GABRB2: variants seen among roughly 807,000 people sequenced by gnomAD.
The protein encoded by GABRB2 is gamma-aminobutyric acid type A receptor subunit beta2.
Under a neutral mutation model 54.7 loss-of-function variants are expected in GABRB2, and 16 were observed. The observed-to-expected ratio is 0.29, with a 90% CI of 0.20 to 0.44. The LOEUF (loss-of-function observed/expected upper bound fraction) is 0.44, where lower values mean the gene tolerates loss of function less well. Ranked by LOEUF, GABRB2 falls within the 20% of genes least tolerant of loss-of-function variation. The probability of loss-of-function intolerance (pLI) is 1.00; values close to 1 mark genes in which losing one functional copy is unlikely to be tolerated. For synonymous variants in GABRB2, 244 were observed against 233.8 expected, an observed-to-expected ratio of 1.04 and a Z score of -0.40; for missense variants, 355 against 644.0, an observed-to-expected ratio of 0.55 and a Z score of 4.86.
chr5:161,510,400 C>T (rs979515625), intron 3 of GABRB2, among the ~76,000 whole-genome samples: 6 of 151,894 alleles, frequency 4.0e-5, no homozygotes, highest in Non-Finnish European at 7.4e-5. Flanking sequence ...TAATAATCTC[C>T]ACTTCCATCC....
chr5:161,333,921 G>C (rs1384900596), intron 7 of GABRB2, among the ~76,000 whole-genome samples: 1 of 152,142 alleles, frequency 6.6e-6, no homozygotes, highest in Non-Finnish European at 1.5e-5. Flanking sequence ...TATAATTTAT[G>C]TGGTTATTAA....
chr5:161,336,957 T>C (rs960898306), intron 5 of GABRB2, among the ~76,000 whole-genome samples, 188 bp from the exon 6 acceptor site: 1 of 152,138 alleles, frequency 6.6e-6, no homozygotes, highest in Non-Finnish European at 1.5e-5. Context: ...TTAATCCTCA[T>C]GACGATCTCA....
chr5:161,294,021 C>A lies in GABRB2; in HGVS notation c.*60G>T. 7.8e-7 allele frequency: 1 copy of A among 1,289,040 alleles called. No homozygotes were observed. Among genetic ancestry groups the A allele is most frequent in the Non-Finnish European group, 1.1e-6 (1 of 907,576 alleles). The allele number at this position is 1,289,040 out of a possible 1,614,324, so 79.9% of individuals were successfully genotyped here. A position where few individuals can be genotyped will look rare whatever the true frequency, so the allele number is the denominator to read the frequency against. ...TTGATGTGTTTTCCAAGTCCTACAT[C>A]AGGCTGTACAACTGGTTTGAGGAGG... is the stretch of plus-strand genomic sequence containing the variant. On this transcript the variant is annotated 3_prime_UTR_variant, in exon 10 of 10. Coordinates refer to ENST00000393959, the MANE Select transcript of GABRB2 (RefSeq NM_001371727.1).
rs138373917 is a variant in GABRB2 at position 161,474,557 on chromosome 5, T to C, written c.238-14713A>G. Among the ~76,000 whole-genome samples the C allele has an allele frequency of 6.7e-3, 1,021 of 152,096 alleles. 15 individuals carry two copies. Among genetic ancestry groups the C allele is most frequent in the African/African-American group, 0.023 (964 of 41,544 alleles). On this transcript the variant is annotated intron_variant, in intron 3 of 9. Transcript: ENST00000393959. ...CATTGTATATATACAAGAGGTAGCA[T>C]GGCAATTTACTTTTTATTATTATCA...
At chr5:161,498,934 G>A (rs1003477810) in intron 3 of GABRB2, among the ~76,000 whole-genome samples, 22 of 152,068 alleles carry the variant, frequency 1.4e-4, no homozygotes, top group African/African-American at 4.1e-4. Context: ...ATGCTAAACC[G>A]TCACAGCTAC....
chr5:161,532,412 T>C (rs1760489832), intron 3 of GABRB2, among the ~76,000 whole-genome samples: 2 of 152,214 alleles, frequency 1.3e-5, no homozygotes, highest in South Asian at 4.1e-4. Flanking sequence ...ATAAAACTAC[T>C]ATTCCTAAAA....
At chr5:161,405,892 C>T (rs1315139671) in intron 5 of GABRB2, among the ~76,000 whole-genome samples, 1 of 152,002 alleles carries the variant, frequency 6.6e-6, no homozygotes, top group Non-Finnish European at 1.5e-5. Flanking sequence ...AAAGAAAATA[C>T]AGCCTTTATT....
intron 5 of GABRB2, among the ~76,000 whole-genome samples, chr5:161,380,503 A>T (rs1316314728): frequency 1.3e-5 from 2 of 152,186 alleles, no homozygotes; most frequent in South Asian, 2.1e-4. Context: ...GCAGGTAACA[A>T]CTACTGCCTT....
chr5:161,351,584 A>T (rs948017150), intron 5 of GABRB2, among the ~76,000 whole-genome samples: 1 of 152,134 alleles, frequency 6.6e-6, no homozygotes, highest in African/African-American at 2.4e-5. Context: ...AAGACCTAAA[A>T]ATGTAAAACT....
intron 3 of GABRB2, among the ~76,000 whole-genome samples, chr5:161,479,583 C>T (rs1758692694): frequency 9.5e-6 from 1 of 105,480 alleles, no homozygotes; most frequent in South Asian, 3.5e-4. Context: ...CACATTGAAA[C>T]AATTTTTTTT....
intron 5 of GABRB2, among the ~76,000 whole-genome samples, chr5:161,359,105 CT>C (rs975780212): frequency 6.6e-6 from 1 of 151,986 alleles, no homozygotes; most frequent in Non-Finnish European, 1.5e-5. Flanking sequence ...GTGTGACTGT[CT>C]TTTTTTGCAT....
At chr5:161,428,992 T>G (rs1389734951) in intron 4 of GABRB2, among the ~76,000 whole-genome samples, 2 of 151,954 alleles carry the variant, frequency 1.3e-5, no homozygotes, top group Non-Finnish European at 2.9e-5. Flanking sequence ...ATTATATTTA[T>G]TTTTATTTAT....
chr5:161,413,640 C>A (rs1019834511), intron 4 of GABRB2, among the ~76,000 whole-genome samples: 1 of 152,054 alleles, frequency 6.6e-6, no homozygotes, highest in African/African-American at 2.4e-5. Flanking sequence ...CAGGCATTTT[C>A]AACAGAAATA....
chr5:161,411,814 TTATATA>T (rs202054186), intron 4 of GABRB2, among the ~76,000 whole-genome samples: 2 of 149,494 alleles, frequency 1.3e-5, no homozygotes, highest in Non-Finnish European at 1.5e-5. Flanking sequence ...CATTTAGAGT[TTATATA>T]TATATATATA....
chr5:161,495,074 T>G (rs1759192300), intron 3 of GABRB2, among the ~76,000 whole-genome samples: 1 of 151,990 alleles, frequency 6.6e-6, no homozygotes, highest in Non-Finnish European at 1.5e-5. Flanking sequence ...ATACCAAAGA[T>G]CACATGATGC....
chr5:161,504,557 C>T (rs1026101211), intron 3 of GABRB2, among the ~76,000 whole-genome samples: 2 of 151,680 alleles, frequency 1.3e-5, no homozygotes, highest in African/African-American at 4.8e-5. Flanking sequence ...AAAAACTGTT[C>T]AGAAGGAAAT....
chr5:161,480,092 A>G (rs1758715903), intron 3 of GABRB2, among the ~76,000 whole-genome samples: 1 of 151,952 alleles, frequency 6.6e-6, no homozygotes, highest in Non-Finnish European at 1.5e-5. Context: ...TATCGTTTTG[A>G]GGCCATCAAA....
At chr5:161,319,726 A>C (rs1216221697) in intron 9 of GABRB2, among the ~76,000 whole-genome samples, 1 of 151,784 alleles carries the variant, frequency 6.6e-6, no homozygotes, top group Non-Finnish European at 1.5e-5. Flanking sequence ...TATTTACAAG[A>C]GTTTAAATAC....
intron 7 of GABRB2, among the ~76,000 whole-genome samples, chr5:161,332,883 C>T (rs181869006): frequency 1.4e-4 from 21 of 152,172 alleles, no homozygotes; most frequent in East Asian, 9.6e-4. Flanking sequence ...ATTCTGAGCA[C>T]GCCCATAAAA....
Sources: gnomAD v4.1 joint callset for allele counts (sites outside exome capture counted in the v4.1 genomes callset) on GRCh38, gnomAD v4.1.1 for gene constraint, MANE v1.5 for transcripts, NCBI Gene and HGNC (gene_info 2026-07-23, HGNC 2026-07-21) for gene names.